Variants in TRAM1 observed in about 807,000 individuals in gnomAD.
TRAM1 encodes the protein translocating chain-associated membrane protein 1.
TRAM1 carries 17 observed loss-of-function variants against 48.7 expected under a neutral mutation model. The observed-to-expected ratio is 0.35, with a 90% CI of 0.24 to 0.52. The LOEUF (loss-of-function observed/expected upper bound fraction) is 0.52. Ranked by LOEUF, TRAM1 falls within the 20% of genes least tolerant of loss-of-function variation. The probability of loss-of-function intolerance (pLI) is 0.94; values close to 1 mark genes in which losing one functional copy is unlikely to be tolerated. For missense variants in TRAM1, 351 were observed against 441.5 expected (o/e 0.79, Z 1.84); for synonymous variants, 182 against 154.0 (o/e 1.18, Z -1.34).
chr8:70,592,932 T>G (rs1053856837), intron 6 of TRAM1, among the ~76,000 whole-genome samples: 1 of 152,196 alleles, frequency 6.6e-6, no homozygotes, highest in Non-Finnish European at 1.5e-5. Context: ...TTTAAGTTCA[T>G]GTAGATGTGA....
At chr8:70,583,873 C>T (rs1442724313) in intron 8 of TRAM1, 80 bp from the exon 9 acceptor site, 10 of 1,466,166 alleles carry the variant, frequency 6.8e-6, no homozygotes, top group South Asian at 2.9e-5. Context: ...CTAAGTTGGG[C>T]GTGGTGGCAG....
intron 6 of TRAM1, among the ~76,000 whole-genome samples, chr8:70,589,376 G>A (rs55648543): frequency 0.018 from 2,780 of 152,184 alleles, 35 homozygotes; most frequent in Non-Finnish European, 0.03. Flanking sequence ...CTCTTCTCCC[G>A]TTATAATCAT....
intron 6 of TRAM1, among the ~76,000 whole-genome samples, chr8:70,590,562 A>T (rs1817330828): frequency 2.6e-5 from 4 of 152,230 alleles, no homozygotes; most frequent in African/African-American, 9.6e-5. Context: ...TCACAGGTGC[A>T]ATTATGCTGC....
At position 70,574,836 on chromosome 8, in the gene TRAM1, A is replaced by AGAC. The variant is rs1816910627; in HGVS notation, c.*93_*95dup. The AGAC allele has an allele frequency of 3.4e-6, 3 of 883,752 alleles. No homozygotes were observed. In the East Asian group the frequency reaches 8.0e-5, roughly 23 times the overall value. 54.7% of individuals were successfully genotyped at this position (883,752 alleles called of 1,614,324 possible). ...TACAATAGCAAAAATCAAAGAGCAC[A>AGAC]GACTGTATTTTCAAGAACAGAAAAA... On this transcript the variant is annotated 3_prime_UTR_variant, in exon 11 of 11. Coordinates refer to ENST00000262213, the MANE Select transcript of TRAM1 (RefSeq NM_014294.6).
intron 6 of TRAM1, 133 bp downstream of exon 6, chr8:70,594,373 G>C (rs75828455): frequency 2.3e-6 from 1 of 440,074 alleles, no homozygotes; most frequent in East Asian, 3.7e-5. Context: ...GTTGGTGGGA[G>C]AATGATGGGG....
intron 6 of TRAM1, among the ~76,000 whole-genome samples, chr8:70,594,018 C>T (rs1168408290): frequency 6.6e-6 from 1 of 152,158 alleles, no homozygotes; most frequent in East Asian, 1.9e-4. Context: ...AGGGAATGCT[C>T]TACCCATTTC....
At chr8:70,576,592 C>T (rs1255169438) in intron 10 of TRAM1, among the ~76,000 whole-genome samples, 1 of 152,184 alleles carries the variant, frequency 6.6e-6, no homozygotes, top group Non-Finnish European at 1.5e-5. Flanking sequence ...TCTTCTGAGA[C>T]AGGGTCTCAC....
chr8:70,587,385 T>C (rs955249214), intron 6 of TRAM1: 2 of 513,978 alleles, frequency 3.9e-6, no homozygotes, highest in South Asian at 3.0e-5. Context: ...GTGAAAAATG[T>C]AGAAGTAGGA....
At chr8:70,589,046 A>C (rs1012144529) in intron 6 of TRAM1, among the ~76,000 whole-genome samples, 1 of 152,184 alleles carries the variant, frequency 6.6e-6, no homozygotes, top group African/African-American at 2.4e-5. Flanking sequence ...TACTTCACCA[A>C]ATCTTTTGAG....
chr8:70,594,991 TTAA>T (rs1166794624), intron 5 of TRAM1, among the ~76,000 whole-genome samples: 1 of 150,624 alleles, frequency 6.6e-6, no homozygotes, highest in Admixed American at 6.6e-5. Context: ...GGCTCATAGA[TTAA>T]TAATCACCTG....
intron 6 of TRAM1, among the ~76,000 whole-genome samples, chr8:70,590,609 C>T (rs1817332404): frequency 6.6e-6 from 1 of 152,226 alleles, no homozygotes. Flanking sequence ...AGTGATCCTG[C>T]TATCTCAGCC....
chr8:70,582,899 C>T (rs1473102360), intron 10 of TRAM1, among the ~76,000 whole-genome samples: 2 of 152,134 alleles, frequency 1.3e-5, no homozygotes, highest in East Asian at 1.9e-4. Context: ...AAAGTTTGGT[C>T]TAAAGTAGCT....
At chr8:70,604,032 T>G (rs1469234151) in intron 1 of TRAM1, among the ~76,000 whole-genome samples, 2 of 152,280 alleles carry the variant, frequency 1.3e-5, no homozygotes, top group Non-Finnish European at 2.9e-5. Flanking sequence ...GATAAGTTAG[T>G]TTAGAATATA....
At chr8:70,602,504 G>C (rs1288063890) in intron 1 of TRAM1, among the ~76,000 whole-genome samples, 1 of 152,206 alleles carries the variant, frequency 6.6e-6, no homozygotes, top group African/African-American at 2.4e-5. Flanking sequence ...TAGATGGGAA[G>C]AAGGCAGTAA....
intron 10 of TRAM1, among the ~76,000 whole-genome samples, chr8:70,581,834 T>C (rs1817082009): frequency 6.6e-6 from 1 of 152,244 alleles, no homozygotes; most frequent in South Asian, 2.1e-4. Context: ...ATGACATGGA[T>C]GAACCTCAAA....
intron 8 of TRAM1, among the ~76,000 whole-genome samples, chr8:70,584,384 G>A (rs954906935): frequency 4.6e-5 from 7 of 152,168 alleles, no homozygotes; most frequent in Non-Finnish European, 8.8e-5. Context: ...AGACAGGGAT[G>A]GCCTCTCTCA....
chr8:70,594,465 A>T, intron 6 of TRAM1, 41 bp downstream of exon 6: 1 of 1,539,704 alleles, frequency 6.5e-7, no homozygotes, highest in Non-Finnish European at 8.7e-7. Context: ...CAAAAAAAAA[A>T]ATGACAAGAC....
At chr8:70,580,457 G>C (rs546596128) in intron 10 of TRAM1, among the ~76,000 whole-genome samples, 124 of 152,104 alleles carry the variant, frequency 8.2e-4, no homozygotes, top group African/African-American at 2.9e-3. Flanking sequence ...ACCCCACAAG[G>C]TTATCTCAAT....
chr8:70,585,677 A>T (rs1449967560), intron 8 of TRAM1, among the ~76,000 whole-genome samples: 30 of 140,864 alleles, frequency 2.1e-4, no homozygotes, highest in Middle Eastern at 6.9e-3. Flanking sequence ...AAAAATGCTC[A>T]TCATCACTGG....
Sources: allele counts gnomAD v4.1 joint callset (sites outside exome capture counted in the v4.1 genomes callset), GRCh38; gene constraint gnomAD v4.1.1; transcripts MANE v1.5; gene names NCBI Gene and HGNC (gene_info 2026-07-23, HGNC 2026-07-21).